TTLL1: variants seen among roughly 807,000 people sequenced by gnomAD.
TTLL1 encodes polyglutamylase complex subunit TTLL1.
Under a neutral mutation model 47.8 loss-of-function variants are expected in TTLL1, and 33 were observed. The ratio of observed to expected loss-of-function variants is 0.69; its 90% confidence interval spans 0.52 to 0.92. The LOEUF (loss-of-function observed/expected upper bound fraction) is 0.92, where lower values mean the gene tolerates loss of function less well. Ranked by LOEUF, TTLL1 falls within the 40% of genes least tolerant of loss-of-function variation. The probability of loss-of-function intolerance (pLI) is 0.00; values close to 1 mark genes in which losing one functional copy is unlikely to be tolerated. For synonymous variants in TTLL1, 225 were observed against 214.1 expected (o/e 1.05, Z -0.45); for missense variants, 488 against 547.5 (o/e 0.89, Z 1.08).
At chr22:43,051,200 G>C (rs1926592173) in intron 9 of TTLL1, among the ~76,000 whole-genome samples, 2 of 152,274 alleles carry the variant, frequency 1.3e-5, no homozygotes, top group African/African-American at 4.8e-5. Context: ...GGTTGGGCAA[G>C]GTGGGTTTGA....
chr22:43,080,767 G>T (rs2146992128), intron 1 of TTLL1, among the ~76,000 whole-genome samples: 1 of 109,432 alleles, frequency 9.1e-6, no homozygotes, highest in Admixed American at 9.8e-5. Flanking sequence ...GCCCTCCCCA[G>T]ACCCTCTGTC....
intron 1 of TTLL1, among the ~76,000 whole-genome samples, chr22:43,080,774 T>C (rs1744933858): frequency 8.2e-6 from 1 of 122,660 alleles, no homozygotes; most frequent in African/African-American, 2.7e-5. Flanking sequence ...CCAGACCCTC[T>C]GTCTCCTCTC....
intron 8 of TTLL1, among the ~76,000 whole-genome samples, chr22:43,054,423 C>CTTTTTTT (rs767193512): frequency 7.2e-6 from 1 of 139,246 alleles, no homozygotes; most frequent in African/African-American, 2.6e-5. Flanking sequence ...GACATAATCT[C>CTTTTTTT]TTTTTTTTTT....
intron 1 of TTLL1, among the ~76,000 whole-genome samples, chr22:43,083,681 T>A (rs1929046425): frequency 6.6e-6 from 1 of 151,988 alleles, no homozygotes; most frequent in South Asian, 2.1e-4. Flanking sequence ...TGAGCCAAGA[T>A]CGCACCATTG....
At chr22:43,075,160 G>T (rs987243565) in intron 3 of TTLL1, among the ~76,000 whole-genome samples, 1 of 152,068 alleles carries the variant, frequency 6.6e-6, no homozygotes, top group African/African-American at 2.4e-5. Context: ...GCAAGACTCT[G>T]TCCTGTCCTC....
chr22:43,069,601 T>C (rs1229570599), intron 4 of TTLL1, 35 bp downstream of exon 4: 1 of 1,613,234 alleles, frequency 6.2e-7, no homozygotes, highest in Admixed American at 1.7e-5. Flanking sequence ...TTCAGCTGTT[T>C]ACTGAAAACA....
chr22:43,053,253 G>A (rs1010191491), intron 8 of TTLL1, among the ~76,000 whole-genome samples: 1 of 152,038 alleles, frequency 6.6e-6, no homozygotes. Context: ...CTTGTCACAC[G>A]ATAGAGGGCA....
intron 1 of TTLL1, among the ~76,000 whole-genome samples, chr22:43,081,265 C>T (rs368822790): frequency 6.6e-6 from 1 of 152,066 alleles, no homozygotes; most frequent in East Asian, 1.9e-4. Flanking sequence ...CAAAGCCCCC[C>T]ATCCATCCTG....
chr22:43,049,915 G>A (rs1052466450), intron 9 of TTLL1, among the ~76,000 whole-genome samples: 1 of 151,754 alleles, frequency 6.6e-6, no homozygotes, highest in Non-Finnish European at 1.5e-5. Context: ...GGGCAACATG[G>A]TGAAACCCCG....
At chr22:43,072,440 C>T (rs1044876831) in intron 3 of TTLL1, among the ~76,000 whole-genome samples, 2 of 152,008 alleles carry the variant, frequency 1.3e-5, no homozygotes, top group Non-Finnish European at 2.9e-5. Flanking sequence ...AGGCGTGAGC[C>T]ACCGCGCCTG....
chr22:43,077,785 G>A (rs1031050954), intron 2 of TTLL1, among the ~76,000 whole-genome samples: 1 of 152,144 alleles, frequency 6.6e-6, no homozygotes, highest in African/African-American at 2.4e-5. Context: ...ACAGGCATCT[G>A]GCCTGTACAA....
intron 8 of TTLL1, among the ~76,000 whole-genome samples, chr22:43,058,944 C>T (rs1322168376): frequency 1.3e-5 from 2 of 152,122 alleles, no homozygotes; most frequent in Non-Finnish European, 2.9e-5. Context: ...CCGCCTGCCT[C>T]GCCCTCCCAG....
At chr22:43,042,966 C>G (rs34433001) in intron 10 of TTLL1, among the ~76,000 whole-genome samples, 44,687 of 141,328 alleles carry the variant, frequency 0.32, 7,192 homozygotes, top group Middle Eastern at 0.43. Context: ...TTGAGGCAGA[C>G]TTTCGCTGTG....
intron 3 of TTLL1, among the ~76,000 whole-genome samples, chr22:43,074,687 A>G (rs1360119436): frequency 2.0e-5 from 3 of 152,018 alleles, no homozygotes; most frequent in African/African-American, 7.2e-5. Context: ...AAATAAATAA[A>G]TAAATAAATA....
At chr22:43,057,958 T>C (rs1245686080) in intron 8 of TTLL1, among the ~76,000 whole-genome samples, 3 of 151,424 alleles carry the variant, frequency 2.0e-5, no homozygotes, top group Non-Finnish European at 4.4e-5. Context: ...ATATATTTTT[T>C]TTTTTCTAGA....
At chr22:43,089,123 G>A (rs937379350) in intron 1 of TTLL1, among the ~76,000 whole-genome samples, 154 bp downstream of exon 1, 1 of 152,202 alleles carries the variant, frequency 6.6e-6, no homozygotes, top group Non-Finnish European at 1.5e-5. Context: ...GGGCTTCCTG[G>A]AGGACGCGGA....
chr22:43,059,333 C>T lies in TTLL1; in HGVS notation c.891+51G>A, dbSNP rs77133637. 84 of 1,571,698 alleles carry T rather than the reference C, an allele frequency of 5.3e-5. 2 individuals carry two copies. The South Asian group carries it at 7.7e-4, about 14-fold the overall frequency. The stretch of plus-strand genomic sequence containing the variant: ...TTAACAGAAAGACAGCAAGCCCCCC[C>T]ACTCCCAAACGGGCCCTGGGAGCCG... On this transcript the variant is annotated intron_variant, in intron 8 of 10. Transcript: ENST00000266254.
intron 3 of TTLL1, among the ~76,000 whole-genome samples, chr22:43,071,599 G>A (rs560056741): frequency 1.3e-5 from 2 of 152,190 alleles, no homozygotes; most frequent in African/African-American, 2.4e-5. Context: ...TAGTAGAGAC[G>A]GGGTTTTGCC....
In TTLL1 at chr22:43,070,133, G is replaced by A. The variant is rs748431124; in HGVS notation, c.114-289C>T. 8.8e-5 allele frequency: 123 copies of A among 1,399,346 alleles called. 1 individual carries two copies. The highest frequency in any genetic ancestry group is 7.3e-4 in the Middle Eastern group (4 of 5,484). The allele number at this position is 1,399,346 out of a possible 1,614,324, so 86.7% of individuals were successfully genotyped here. On this transcript the variant is annotated intron_variant, in intron 3 of 10. Transcript: ENST00000266254. ...GATGTTTATTGATTAGTGATAACAC[G>A]GATTAATGATAACACTGTCAACAAA...
Sources: gnomAD v4.1 joint callset for allele counts (sites outside exome capture counted in the v4.1 genomes callset) on GRCh38, gnomAD v4.1.1 for gene constraint, MANE v1.5 for transcripts, NCBI Gene and HGNC (gene_info 2026-07-23, HGNC 2026-07-21) for gene names.